The following DACH2 variants were observed in gnomAD, a reference collection of about 807,000 sequenced individuals.
DACH2 encodes dachshund homolog 2.
Under a neutral mutation model 35.8 loss-of-function variants are expected in DACH2, and 17 were observed. The observed-to-expected ratio is 0.48, with a 90% CI of 0.33 to 0.71. The LOEUF (loss-of-function observed/expected upper bound fraction) is 0.71, where lower values mean the gene tolerates loss of function less well. Among genes scored for constraint, DACH2 ranks in the 30% least tolerant of loss-of-function variants. The pLI is 0.02. For synonymous variants in DACH2, 195 were observed against 177.3 expected, an observed-to-expected ratio of 1.10 and a Z score of -0.79; for missense variants, 469 against 472.7, an observed-to-expected ratio of 0.99 and a Z score of 0.07.
chrX:86,473,216 CAT>C (rs764804084), intron 2 of DACH2, among the ~76,000 whole-genome samples: 32 of 110,522 alleles, frequency 2.9e-4, no homozygotes, highest in Non-Finnish European at 4.9e-4. Context: ...TATTTAAAAA[CAT>C]ATTTATATTA....
chrX:86,364,616 A>G (rs902655609), intron 1 of DACH2, among the ~76,000 whole-genome samples: 3 of 111,537 alleles, frequency 2.7e-5, no homozygotes, highest in Non-Finnish European at 5.7e-5. Flanking sequence ...GAAGGTAGAA[A>G]CCACACCCCA....
At chrX:86,224,831 G>A (rs1476690945) in intron 1 of DACH2, among the ~76,000 whole-genome samples, 5 of 111,224 alleles carry the variant, frequency 4.5e-5, no homozygotes, top group Admixed American at 3.8e-4. Context: ...ATCACAAATG[G>A]TGTGTTTACT....
intron 2 of DACH2, among the ~76,000 whole-genome samples, chrX:86,452,467 G>C (rs991934768): frequency 9.0e-6 from 1 of 111,042 alleles, no homozygotes; most frequent in Admixed American, 9.6e-5. Flanking sequence ...GCCTTTTTTG[G>C]TTGGTAGGCT....
chrX:86,459,556 C>T (rs1209927648), intron 2 of DACH2, among the ~76,000 whole-genome samples: 3 of 111,484 alleles, frequency 2.7e-5, no homozygotes, highest in African/African-American at 9.8e-5. Context: ...TGACCTTTAA[C>T]TTAGTAAACA....
intron 2 of DACH2, among the ~76,000 whole-genome samples, chrX:86,491,222 C>A (rs887804155): frequency 2.7e-5 from 3 of 111,724 alleles, no homozygotes; most frequent in Non-Finnish European, 5.7e-5. Context: ...GTACACAATG[C>A]TTTTACGCCA....
rs923457349 is a variant in DACH2, at chrX:86,796,031, G to A, written c.1241-16825G>A. 6.3e-5 allele frequency among the ~76,000 whole-genome samples: 7 copies of A among 111,894 alleles called. No homozygotes were observed. The East Asian group carries it at 1.1e-3, about 18-fold the overall frequency. Reference sequence around the variant, plus strand: ...CCACAGCGTGGAGGGGGACCTGAGCGGGTTGCCGCTGCTGGCTTGGGTGGC... The same window carrying A: ...CCACAGCGTGGAGGGGGACCTGAGCAGGTTGCCGCTGCTGGCTTGGGTGGC... On this transcript the variant is annotated intron_variant, in intron 7 of 11. Transcript: ENST00000373125.
chrX:86,546,252 G>A (rs2038953903), intron 3 of DACH2, among the ~76,000 whole-genome samples: 1 of 110,895 alleles, frequency 9.0e-6, no homozygotes, highest in African/African-American at 3.3e-5. Flanking sequence ...ACCTAAGGGA[G>A]TAGATGTTCA....
At chrX:86,676,123 T>A in intron 4 of DACH2, among the ~76,000 whole-genome samples, 1 of 111,932 alleles carries the variant, frequency 8.9e-6, no homozygotes, top group East Asian at 2.8e-4. Context: ...TCACCTTAAA[T>A]AAGTAATAAC....
chrX:86,211,700 C>A (rs1241717078), intron 1 of DACH2, among the ~76,000 whole-genome samples: 1 of 111,748 alleles, frequency 8.9e-6, no homozygotes, highest in South Asian at 3.7e-4. Context: ...ACACCCTTTA[C>A]CTTGGCAAAA....
chrX:86,508,306 C>G lies in DACH2; in HGVS notation c.528-5973C>G, dbSNP rs755745972. On this transcript the variant is annotated intron_variant, in intron 2 of 11. Transcript: ENST00000373125. ...GGGCGAAGTGACTCTCACCCATAAT[C>G]CCAGCATTTTGGGAGGCCGAGGCGG... is the stretch of plus-strand genomic sequence containing the variant. Among the ~76,000 whole-genome samples the G allele has an allele frequency of 1.5e-3, 163 of 111,179 alleles. 1 individual carries two copies. The highest frequency in any genetic ancestry group is 2.6e-3 in the Non-Finnish European group (137 of 52,997).
At position 86,394,001 on chromosome X, in the gene DACH2, T is replaced by C. The variant is rs780494685; in HGVS notation, c.527+17139T>C. Among the ~76,000 whole-genome samples the C allele has an allele frequency of 8.3e-5, 9 of 108,886 alleles. No homozygotes were observed. The South Asian group carries it at 3.1e-3, about 38-fold the overall frequency. The allele number at this position is 108,886 out of a possible 115,157, so 94.6% of individuals were successfully genotyped here. A position where few individuals can be genotyped will look rare whatever the true frequency, so the allele number is the denominator to read the frequency against. The stretch of plus-strand genomic sequence containing the variant: ...TTATAAATGTCTTTTTTTTCCTTTG[T>C]CTCTGCATTTTGAAATTATACCTTT... On this transcript the variant is annotated intron_variant, in intron 2 of 11. Transcript: ENST00000373125.
At chrX:86,469,722 A>G (rs1228584216) in intron 2 of DACH2, among the ~76,000 whole-genome samples, 1 of 110,905 alleles carries the variant, frequency 9.0e-6, no homozygotes, top group African/African-American at 3.3e-5. Flanking sequence ...TTAGTTGTGG[A>G]AAATGAAAGG....
intron 7 of DACH2, among the ~76,000 whole-genome samples, chrX:86,760,626 A>AT (rs1239649375): frequency 9.0e-6 from 1 of 110,611 alleles, no homozygotes; most frequent in Non-Finnish European, 1.9e-5. Context: ...ATTTCTTTGT[A>AT]TTTTTTCCAG....
chrX:86,661,724 T>C (rs770706128), intron 4 of DACH2, among the ~76,000 whole-genome samples: 7 of 112,281 alleles, frequency 6.2e-5, no homozygotes, highest in African/African-American at 2.3e-4. Context: ...CTGGGTAAAA[T>C]GATAACTCTG....
intron 3 of DACH2, among the ~76,000 whole-genome samples, chrX:86,546,345 T>TTCTTCTTCC (rs2038958173): frequency 1.3e-5 from 1 of 75,173 alleles, no homozygotes; most frequent in African/African-American, 6.2e-5. Flanking sequence ...CTTCCTCTTC[T>TTCTTCTTCC]TCTTCTTCTT....
chrX:86,464,179 C>A (rs746170244), intron 2 of DACH2, among the ~76,000 whole-genome samples: 1 of 111,147 alleles, frequency 9.0e-6, no homozygotes, highest in African/African-American at 3.3e-5. Flanking sequence ...GGTATATACT[C>A]AAAGGATTAT....
chrX:86,485,339 A>G (rs965336944), intron 2 of DACH2, among the ~76,000 whole-genome samples: 10 of 111,396 alleles, frequency 9.0e-5, no homozygotes, highest in African/African-American at 3.3e-4. Flanking sequence ...TCATAGAAGT[A>G]GAAAGTAGAA....
intron 1 of DACH2, among the ~76,000 whole-genome samples, chrX:86,342,267 T>C (rs2035425117): frequency 9.0e-6 from 1 of 111,020 alleles, no homozygotes; most frequent in Admixed American, 9.6e-5. Flanking sequence ...GTAAGTCTGA[T>C]GTAGGAGGAT....
intron 3 of DACH2, among the ~76,000 whole-genome samples, chrX:86,571,328 G>T (rs2039364708): frequency 9.1e-6 from 1 of 110,273 alleles, no homozygotes; most frequent in Non-Finnish European, 1.9e-5. Flanking sequence ...TTAAGTTTTA[G>T]GGTACATGTG....
Sources: allele counts gnomAD v4.1 joint callset (sites outside exome capture counted in the v4.1 genomes callset), GRCh38; gene constraint gnomAD v4.1.1; transcripts MANE v1.5; gene names NCBI Gene and HGNC (gene_info 2026-07-23, HGNC 2026-07-21).